Variants in ZFPM2 observed in about 807,000 individuals in gnomAD.
The protein encoded by ZFPM2 is zinc finger protein ZFPM2.
In ZFPM2, 20 loss-of-function variants were observed where a neutral mutation model predicts 98.6. The observed-to-expected ratio is 0.20, with a 90% CI of 0.14 to 0.29. The LOEUF (loss-of-function observed/expected upper bound fraction) is 0.29. Ranked by LOEUF, ZFPM2 falls within the 10% of genes least tolerant of loss-of-function variation. The probability of loss-of-function intolerance (pLI) is 1.00; values close to 1 mark genes in which losing one functional copy is unlikely to be tolerated. For missense variants in ZFPM2, 1,310 were observed against 1,388.6 expected (o/e 0.94, Z 0.90); for synonymous variants, 518 against 502.7 (o/e 1.03, Z -0.41).
At chr8:105,681,385 C>A (rs1186131171) in intron 5 of ZFPM2, among the ~76,000 whole-genome samples, 1 of 152,104 alleles carries the variant, frequency 6.6e-6, no homozygotes, top group Non-Finnish European at 1.5e-5. Flanking sequence ...CCATTTAGTT[C>A]TGATGACATT....
chr8:105,743,321 G>A (rs1812265065), intron 5 of ZFPM2, among the ~76,000 whole-genome samples: 1 of 152,018 alleles, frequency 6.6e-6, no homozygotes, highest in African/African-American at 2.4e-5. Context: ...CCTGTATGAG[G>A]ATCAGACCAT....
At chr8:105,617,992 A>G (rs1816456513) in intron 4 of ZFPM2, among the ~76,000 whole-genome samples, 1 of 152,184 alleles carries the variant, frequency 6.6e-6, no homozygotes, top group South Asian at 2.1e-4. Context: ...TATCTCAACT[A>G]GACTTACAAG....
At chr8:105,496,266 C>T (rs1813465211) in intron 3 of ZFPM2, among the ~76,000 whole-genome samples, 1 of 152,128 alleles carries the variant, frequency 6.6e-6, no homozygotes, top group South Asian at 2.1e-4. Flanking sequence ...CGTGCCTTGG[C>T]CTCCCAAAGT....
chr8:105,499,880 A>G (rs1055098245), intron 3 of ZFPM2, among the ~76,000 whole-genome samples: 1 of 152,180 alleles, frequency 6.6e-6, no homozygotes, highest in African/African-American at 2.4e-5. Context: ...CAATGACAGG[A>G]TTAGAGTCAA....
chr8:105,538,143 T>C (rs1263209594), intron 3 of ZFPM2, among the ~76,000 whole-genome samples: 1 of 152,146 alleles, frequency 6.6e-6, no homozygotes, highest in Non-Finnish European at 1.5e-5. Flanking sequence ...TAAGAAAGAG[T>C]GTCGTTTGGT....
chr8:105,565,873 GAAC>G (rs542780288), intron 4 of ZFPM2, among the ~76,000 whole-genome samples: 363 of 152,258 alleles, frequency 2.4e-3, no homozygotes, highest in African/African-American at 8.3e-3. Flanking sequence ...CAGAGAAACA[GAAC>G]AACAGGATGT....
intron 5 of ZFPM2, among the ~76,000 whole-genome samples, chr8:105,683,421 T>A (rs898369738): frequency 6.6e-6 from 1 of 152,130 alleles, no homozygotes; most frequent in Admixed American, 6.6e-5. Context: ...AAGACAAATT[T>A]TTTTGGGAAC....
At chr8:105,684,586 A>G (rs923773306) in intron 5 of ZFPM2, among the ~76,000 whole-genome samples, 2 of 152,114 alleles carry the variant, frequency 1.3e-5, no homozygotes, top group African/African-American at 4.8e-5. Context: ...GCATGGGTTA[A>G]AACCAAAGCT....
rs565306459 is a variant in ZFPM2, at chr8:105,444,451, G to C, written c.301+70G>C. 39 of 1,203,608 alleles carry C rather than the reference G, an allele frequency of 3.2e-5. No homozygotes were observed. In the South Asian group the frequency reaches 3.7e-4, roughly 12 times the overall value. 74.6% of individuals were successfully genotyped at this position (1,203,608 alleles called of 1,614,324 possible). ...AAATACACATTTTTCTTTTTTTCTT[G>C]AACATCAGTTAGCTTGCAAAAAATG... On this transcript the variant is annotated intron_variant, in intron 3 of 7. Coordinates refer to ENST00000407775, the MANE Select transcript of ZFPM2 (RefSeq NM_012082.4).
At chr8:105,364,692 G>T (rs1335256887) in intron 1 of ZFPM2, among the ~76,000 whole-genome samples, 1 of 151,884 alleles carries the variant, frequency 6.6e-6, no homozygotes, top group Admixed American at 6.6e-5. Flanking sequence ...AGTTTTACAG[G>T]ATTGACAAAG....
In ZFPM2 at chr8:105,803,094, C is replaced by T. The variant is rs772632552; in HGVS notation, c.3012C>T (p.Ile1004=). ...SGSLVIHNTD[I]EQSRNAENES... ...CTCTTGTCATCCATAACACTGACAT[C>T]GAGCAAAGCAGAAATGCAGAAAATG... Residue 1004 remains isoleucine, a synonymous_variant, in exon 8 of 8, where the codon ATC becomes ATT. Coordinates refer to ENST00000407775, the MANE Select transcript of ZFPM2 (RefSeq NM_012082.4). 24 of 1,613,854 alleles carry T rather than the reference C, an allele frequency of 1.5e-5. No homozygotes were observed. The highest frequency in any genetic ancestry group is 2.0e-5 in the Non-Finnish European group (24 of 1,179,836).
chr8:105,648,412 G>C (rs1467744149), intron 5 of ZFPM2, among the ~76,000 whole-genome samples: 1 of 152,140 alleles, frequency 6.6e-6, no homozygotes, highest in Non-Finnish European at 1.5e-5. Flanking sequence ...TTTGGCTTTT[G>C]TTGCCATGCT....
At chr8:105,527,820 T>C (rs1814208503) in intron 3 of ZFPM2, among the ~76,000 whole-genome samples, 1 of 152,194 alleles carries the variant, frequency 6.6e-6, no homozygotes. Flanking sequence ...GATTTAATCA[T>C]GAAGAAAGTG....
intron 1 of ZFPM2, among the ~76,000 whole-genome samples, chr8:105,381,418 A>T (rs1303586548): frequency 2.0e-5 from 3 of 152,114 alleles, no homozygotes; most frequent in Non-Finnish European, 4.4e-5. Flanking sequence ...AAGATACCCA[A>T]TCAGAGAATT....
intron 5 of ZFPM2, among the ~76,000 whole-genome samples, chr8:105,734,273 G>A (rs1812017533): frequency 6.6e-6 from 1 of 151,876 alleles, no homozygotes; most frequent in Admixed American, 6.6e-5. Flanking sequence ...TTGCATCTGA[G>A]CCATTTTATT....
At chr8:105,557,041 T>G (rs548961091) in intron 3 of ZFPM2, among the ~76,000 whole-genome samples, 2 of 152,176 alleles carry the variant, frequency 1.3e-5, no homozygotes, top group South Asian at 4.2e-4. Context: ...CTTTTCTTAC[T>G]TTCATAAATT....
At chr8:105,339,461 G>A (rs1812386990) in intron 1 of ZFPM2, among the ~76,000 whole-genome samples, 1 of 151,890 alleles carries the variant, frequency 6.6e-6, no homozygotes, top group South Asian at 2.1e-4. Flanking sequence ...TTGCATAAAT[G>A]GAGGCTGAGA....
At chr8:105,491,594 TAAC>T (rs1289482121) in intron 3 of ZFPM2, among the ~76,000 whole-genome samples, 1 of 152,184 alleles carries the variant, frequency 6.6e-6, no homozygotes, top group Non-Finnish European at 1.5e-5. Flanking sequence ...CTAACAATAA[TAAC>T]AACAAACTTC....
At chr8:105,379,677 C>T (rs35067198) in intron 1 of ZFPM2, among the ~76,000 whole-genome samples, 71,001 of 150,508 alleles carry the variant, frequency 0.47, 17,819 homozygotes, top group Admixed American at 0.59. Context: ...TACTTGAACC[C>T]GGGAGGTGGA....
Sources: allele counts gnomAD v4.1 joint callset (sites outside exome capture counted in the v4.1 genomes callset), GRCh38; gene constraint gnomAD v4.1.1; transcripts MANE v1.5; gene names NCBI Gene and HGNC (gene_info 2026-07-23, HGNC 2026-07-21).